Variants in ALK observed in about 807,000 individuals in gnomAD.
ALK encodes ALK tyrosine kinase receptor.
Under a neutral mutation model 163.1 loss-of-function variants are expected in ALK, and 74 were observed. That is an observed-to-expected ratio of 0.45 (90% CI 0.38 to 0.55). ALK has a LOEUF of 0.55. ALK is among the 20% of genes least tolerant of loss of function. The pLI is 0.00. For synonymous variants in ALK, 960 were observed against 843.2 expected (o/e 1.14, Z -2.40); for missense variants, 2,063 against 2,105.3 (o/e 0.98, Z 0.39).
chr2:29,241,315 C>T (rs746267237), intron 12 of ALK, among the ~76,000 whole-genome samples: 1 of 152,122 alleles, frequency 6.6e-6, no homozygotes, highest in South Asian at 2.1e-4. Flanking sequence ...GGGGCCATTT[C>T]CTGCCCCTGT....
At chr2:29,645,736 G>T (rs947730441) in intron 3 of ALK, among the ~76,000 whole-genome samples, 10 of 152,066 alleles carry the variant, frequency 6.6e-5, no homozygotes, top group African/African-American at 2.2e-4. Flanking sequence ...CTCTTCCTTG[G>T]CCATAGACAG....
At chr2:29,903,317 TAGAA>T (rs1303336368) in intron 1 of ALK, among the ~76,000 whole-genome samples, 1 of 152,200 alleles carries the variant, frequency 6.6e-6, no homozygotes, top group African/African-American at 2.4e-5. Flanking sequence ...CTATGAAAGA[TAGAA>T]AGAACTTGCT....
intron 1 of ALK, among the ~76,000 whole-genome samples, chr2:29,861,857 A>C (rs1476294660): frequency 6.6e-6 from 1 of 152,238 alleles, no homozygotes; most frequent in East Asian, 1.9e-4. Flanking sequence ...AATATCCTTG[A>C]ACACAGATGC....
At chr2:29,497,485 G>A (rs1193933471) in intron 4 of ALK, among the ~76,000 whole-genome samples, 1 of 152,004 alleles carries the variant, frequency 6.6e-6, no homozygotes, top group African/African-American at 2.4e-5. Context: ...AGTGCACCAG[G>A]GCTCCCAGCA....
At chr2:29,812,606 C>T (rs1445926759) in intron 1 of ALK, among the ~76,000 whole-genome samples, 1 of 152,138 alleles carries the variant, frequency 6.6e-6, no homozygotes, top group Non-Finnish European at 1.5e-5. Context: ...CTCCATTTGC[C>T]TTTTACCAAG....
intron 12 of ALK, among the ~76,000 whole-genome samples, chr2:29,243,904 T>C (rs1016854917): frequency 1.4e-4 from 22 of 152,240 alleles, no homozygotes; most frequent in Non-Finnish European, 2.2e-4. Flanking sequence ...CTGTAATTTT[T>C]TGTTTTTTCC....
At chr2:29,701,758 C>T (rs1361650345) in intron 2 of ALK, among the ~76,000 whole-genome samples, 1 of 152,174 alleles carries the variant, frequency 6.6e-6, no homozygotes, top group African/African-American at 2.4e-5. Flanking sequence ...CTTACATGAT[C>T]ATCTTATTTA....
chr2:29,602,161 T>C (rs934617988), intron 3 of ALK, among the ~76,000 whole-genome samples: 2 of 152,110 alleles, frequency 1.3e-5, no homozygotes, highest in African/African-American at 4.8e-5. Flanking sequence ...GCCAGCAGGA[T>C]GGGATTTATC....
chr2:29,757,379 C>A (rs1041283024), intron 1 of ALK, among the ~76,000 whole-genome samples: 10 of 152,192 alleles, frequency 6.6e-5, no homozygotes, highest in Non-Finnish European at 1.5e-5. Flanking sequence ...GTTAACCACT[C>A]ACCCAGTTAT....
intron 1 of ALK, among the ~76,000 whole-genome samples, chr2:29,917,636 G>A (rs1379697148): frequency 1.3e-5 from 2 of 152,192 alleles, no homozygotes; most frequent in East Asian, 3.9e-4. Context: ...GGCTAGTCCT[G>A]CATGGCCAGC....
At chr2:29,393,682 C>G (rs1017334923) in intron 4 of ALK, among the ~76,000 whole-genome samples, 5 of 152,214 alleles carry the variant, frequency 3.3e-5, no homozygotes, top group Admixed American at 2.6e-4. Context: ...TTTTGCTTTC[C>G]TCTTGCTTTC....
intron 1 of ALK, among the ~76,000 whole-genome samples, chr2:29,734,324 A>G (rs1231209819): frequency 6.6e-6 from 1 of 152,198 alleles, no homozygotes; most frequent in East Asian, 1.9e-4. Flanking sequence ...CCTAAAGAGA[A>G]GAGACTGTCT....
At chr2:29,436,924 T>C (rs74428790) in intron 4 of ALK, among the ~76,000 whole-genome samples, 3,837 of 152,220 alleles carry the variant, frequency 0.025, 78 homozygotes, top group Middle Eastern at 0.065. Flanking sequence ...CGAAGATCTG[T>C]ATGACATGGA....
At chr2:29,285,991 A>G (rs944150423) in intron 9 of ALK, among the ~76,000 whole-genome samples, 2 of 152,210 alleles carry the variant, frequency 1.3e-5, no homozygotes, top group African/African-American at 2.4e-5. Context: ...TGAACCCACA[A>G]AAAACATTTC....
chr2:29,580,128 C>T (rs1010125452), intron 3 of ALK, among the ~76,000 whole-genome samples: 1 of 152,080 alleles, frequency 6.6e-6, no homozygotes, highest in Non-Finnish European at 1.5e-5. Context: ...CGGTTTTATG[C>T]ATATGTCCAC....
intron 26 of ALK, among the ~76,000 whole-genome samples, chr2:29,202,583 C>G (rs141699413): frequency 1.3e-5 from 2 of 152,356 alleles, no homozygotes; most frequent in African/African-American, 2.4e-5. Flanking sequence ...TGCGTGAAAG[C>G]GCAAACGATA....
intron 1 of ALK, among the ~76,000 whole-genome samples, chr2:29,831,263 GAAGAA>G (rs1665407943): frequency 1.3e-5 from 1 of 75,768 alleles, no homozygotes; most frequent in Non-Finnish European, 2.6e-5. Context: ...GGAAGAGGAA[GAAGAA>G]GAAGAAGAAG....
intron 1 of ALK, among the ~76,000 whole-genome samples, chr2:29,855,620 A>G (rs1226416336): frequency 1.3e-5 from 2 of 152,214 alleles, no homozygotes; most frequent in Non-Finnish European, 2.9e-5. Flanking sequence ...AATAGGAATC[A>G]ACACACTGAC....
intron 1 of ALK, among the ~76,000 whole-genome samples, chr2:29,877,196 T>G (rs1386026986): frequency 6.6e-6 from 1 of 152,228 alleles, no homozygotes; most frequent in South Asian, 2.1e-4. Context: ...TAAGTTAAGT[T>G]GGAGGCTGAT....
Sources: gnomAD v4.1 joint callset for allele counts (sites outside exome capture counted in the v4.1 genomes callset) on GRCh38, gnomAD v4.1.1 for gene constraint, MANE v1.5 for transcripts, NCBI Gene and HGNC (gene_info 2026-07-23, HGNC 2026-07-21) for gene names.